The following RPTOR variants were observed in gnomAD, a reference collection of about 807,000 sequenced individuals.
RPTOR encodes the protein regulatory associated protein of MTOR complex 1, also known as regulatory-associated protein of mTOR.
A neutral mutation model predicts 169.9 loss-of-function variants in RPTOR; 21 were observed. That is an observed-to-expected ratio of 0.12 (90% CI 0.09 to 0.18). The LOEUF (loss-of-function observed/expected upper bound fraction) is 0.18. Ranked by LOEUF, RPTOR falls within the 10% of genes least tolerant of loss-of-function variation. The pLI, the probability that RPTOR is intolerant of heterozygous loss-of-function variation, is 1.00. For synonymous variants in RPTOR, 732 were observed against 753.2 expected (o/e 0.97, Z 0.46); for missense variants, 1,133 against 1,855.9 (o/e 0.61, Z 7.16).
At chr17:80,722,570 G>A (rs1425781762) in intron 4 of RPTOR, among the ~76,000 whole-genome samples, 1 of 151,168 alleles carries the variant, frequency 6.6e-6, no homozygotes, top group African/African-American at 2.5e-5. Context: ...AGGAATGGAA[G>A]AGACCATGGG....
intron 20 of RPTOR, among the ~76,000 whole-genome samples, chr17:80,907,276 T>A (rs2068555734): frequency 6.6e-6 from 1 of 152,204 alleles, no homozygotes. Flanking sequence ...TTGTCTAGCT[T>A]CCCCAAAAAT....
intron 9 of RPTOR, among the ~76,000 whole-genome samples, chr17:80,835,974 C>A (rs371527937): frequency 6.6e-6 from 1 of 152,130 alleles, no homozygotes; most frequent in African/African-American, 2.4e-5. Flanking sequence ...CTCCGACTGA[C>A]CCCTGCTTTG....
chr17:80,793,097 G>A (rs907440582), intron 7 of RPTOR, among the ~76,000 whole-genome samples: 1 of 152,188 alleles, frequency 6.6e-6, no homozygotes, highest in Non-Finnish European at 1.5e-5. Context: ...AGGCGTGAGT[G>A]ATTCTGGCCG....
chr17:80,698,209 T>C (rs1221864902), intron 3 of RPTOR, among the ~76,000 whole-genome samples: 1 of 151,796 alleles, frequency 6.6e-6, no homozygotes, highest in Non-Finnish European at 1.5e-5. Context: ...GAGGCAGAGG[T>C]GACAGGCCAG....
At chr17:80,654,143 G>C (rs2065662028) in intron 3 of RPTOR, among the ~76,000 whole-genome samples, 1 of 152,256 alleles carries the variant, frequency 6.6e-6, no homozygotes, top group African/African-American at 2.4e-5. Flanking sequence ...ACTTGATCCA[G>C]TGCCGGGTGA....
chr17:80,665,369 T>C (rs2065758441), intron 3 of RPTOR, among the ~76,000 whole-genome samples: 1 of 5,276 alleles, frequency 1.9e-4, no homozygotes, highest in Non-Finnish European at 2.9e-4. Context: ...TTTCCTTTCC[T>C]TTCCTTTCCT....
At chr17:80,828,836 T>C (rs1254851137) in intron 9 of RPTOR, among the ~76,000 whole-genome samples, 3 of 149,712 alleles carry the variant, frequency 2.0e-5, no homozygotes, top group African/African-American at 7.3e-5. Context: ...GAACGTAAAT[T>C]CAGAACGGAT....
chr17:80,683,618 G>A (rs967595182), intron 3 of RPTOR, among the ~76,000 whole-genome samples: 12 of 151,792 alleles, frequency 7.9e-5, no homozygotes, highest in Non-Finnish European at 1.3e-4. Context: ...TCTTCCCTTC[G>A]CCCCCATTCA....
intron 1 of RPTOR, among the ~76,000 whole-genome samples, chr17:80,588,100 C>T (rs1448734307): frequency 2.0e-5 from 3 of 151,512 alleles, no homozygotes; most frequent in Non-Finnish European, 2.9e-5. Context: ...GACAGGATTT[C>T]CTTCTTTTTT....
At chr17:80,738,861 T>C (rs1308673555) in intron 5 of RPTOR, among the ~76,000 whole-genome samples, 1 of 152,236 alleles carries the variant, frequency 6.6e-6, no homozygotes, top group Admixed American at 6.5e-5. Context: ...TGATCTTCAA[T>C]TGATTTGTAT....
intron 1 of RPTOR, among the ~76,000 whole-genome samples, chr17:80,617,434 GACATATACT>G (rs1488139548): frequency 1.3e-5 from 2 of 152,250 alleles, no homozygotes; most frequent in East Asian, 3.9e-4. Context: ...TTTTGTAAAG[GACATATACT>G]ATTTTATCAT....
intron 7 of RPTOR, among the ~76,000 whole-genome samples, chr17:80,818,293 T>C (rs918234283): frequency 1.3e-5 from 2 of 152,204 alleles, no homozygotes; most frequent in African/African-American, 4.8e-5. Flanking sequence ...AGTTTTCACA[T>C]AGAAGTCCTT....
At chr17:80,895,545 T>C (rs1598385627) in intron 20 of RPTOR, among the ~76,000 whole-genome samples, 3 of 152,264 alleles carry the variant, frequency 2.0e-5, no homozygotes, top group Admixed American at 1.3e-4. Context: ...CAGTGCCTGG[T>C]ACGCAGTAGG....
rs575684240 is a variant in RPTOR at position 80,812,510 on chromosome 17, C to T, written c.891-9691C>T. The stretch of plus-strand genomic sequence containing the variant: ...TTTCCCCAGATCTGCTTCTCCTTGG[C>T]AGTGCATCACCTCCTGCTGTTGTTC... On this transcript the variant is annotated intron_variant, in intron 7 of 33. Coordinates refer to ENST00000306801, the MANE Select transcript of RPTOR (RefSeq NM_020761.3). Among the ~76,000 whole-genome samples the T allele has an allele frequency of 6.6e-5, 10 of 152,258 alleles. No homozygotes were observed. In the South Asian group the frequency reaches 1.5e-3, roughly 22 times the overall value.
At chr17:80,855,167 A>G (rs1353577130) in intron 11 of RPTOR, among the ~76,000 whole-genome samples, 1 of 152,266 alleles carries the variant, frequency 6.6e-6, no homozygotes, top group East Asian at 1.9e-4. Flanking sequence ...GTCTGAGTTC[A>G]TATACCTAAA....
At chr17:80,871,487 C>G (rs780583056) in intron 13 of RPTOR, among the ~76,000 whole-genome samples, 1 of 152,178 alleles carries the variant, frequency 6.6e-6, no homozygotes, top group African/African-American at 2.4e-5. Flanking sequence ...CCTGGTGGCG[C>G]TGGCCTGGGT....
At chr17:80,665,505 TGTCCTTTCCTTTCCTTTC>T (rs2065769141) in intron 3 of RPTOR, among the ~76,000 whole-genome samples, 1 of 30,930 alleles carries the variant, frequency 3.2e-5, no homozygotes, top group African/African-American at 1.8e-4. Context: ...TTCCTTTCCA[TGTCCTTTCCTTTCCTTTC>T]CATGTCCTTT....
At chr17:80,889,843 CG>C (rs2068295193) in intron 17 of RPTOR, among the ~76,000 whole-genome samples, 9 of 121,064 alleles carry the variant, frequency 7.4e-5, no homozygotes, top group East Asian at 4.9e-4. Flanking sequence ...GTGCGGCCTC[CG>C]AGGGAGGCCC....
chr17:80,866,635 G>A (rs2067995268), intron 13 of RPTOR, among the ~76,000 whole-genome samples: 1 of 152,224 alleles, frequency 6.6e-6, no homozygotes, highest in African/African-American at 2.4e-5. Flanking sequence ...ATATTAAAAG[G>A]ATGATAGGCA....
Sources: gnomAD v4.1 joint callset for allele counts (sites outside exome capture counted in the v4.1 genomes callset) on GRCh38, gnomAD v4.1.1 for gene constraint, MANE v1.5 for transcripts, NCBI Gene and HGNC (gene_info 2026-07-23, HGNC 2026-07-21) for gene names.